Variants in SYBU observed in about 807,000 individuals in gnomAD.
SYBU encodes the protein syntabulin, also known as GOLSYN A protein.
A neutral mutation model predicts 35.9 loss-of-function variants in SYBU; 21 were observed. The observed-to-expected ratio is 0.58, with a 90% CI of 0.41 to 0.84. The LOEUF (loss-of-function observed/expected upper bound fraction) is 0.84, where lower values mean the gene tolerates loss of function less well. Among genes scored for constraint, SYBU ranks in the 40% least tolerant of loss-of-function variants. SYBU has a pLI of 0.00. For missense variants in SYBU, 768 were observed against 848.2 expected, an observed-to-expected ratio of 0.91 and a Z score of 1.17; for synonymous variants, 319 against 324.3, an observed-to-expected ratio of 0.98 and a Z score of 0.18.
chr8:109,654,080 T>A (rs1400798963), intron 1 of SYBU, among the ~76,000 whole-genome samples: 1 of 152,206 alleles, frequency 6.6e-6, no homozygotes, highest in Non-Finnish European at 1.5e-5. Context: ...CCATTTTTTT[T>A]ACTGGACATT....
intron 3 of SYBU, chr8:109,608,059 G>A: frequency 2.9e-6 from 3 of 1,028,416 alleles, no homozygotes; most frequent in Non-Finnish European, 2.8e-6. Flanking sequence ...TATCCATGGA[G>A]ACTGAGCCTT....
chr8:109,667,096 TTATTGTTATTAC>T (rs1182353925), intron 1 of SYBU, among the ~76,000 whole-genome samples: 1 of 152,162 alleles, frequency 6.6e-6, no homozygotes. Context: ...TTTACTAAAA[TTATTGTTATTAC>T]TATTGTTATT....
upstream of SYBU, among the ~76,000 whole-genome samples, chr8:109,648,274 T>A (rs528760664): frequency 3.1e-5 from 4 of 129,824 alleles, no homozygotes; most frequent in South Asian, 2.1e-4. Flanking sequence ...TATATATATA[T>A]AATATATATA....
intron 1 of SYBU, chr8:109,643,631 A>G (rs1815187294): frequency 6.5e-6 from 1 of 154,622 alleles, no homozygotes; most frequent in Non-Finnish European, 1.4e-5. Context: ...CTTTCTCCTT[A>G]AAAACGCAGC....
At chr8:109,664,951 C>T (rs964226832) in intron 1 of SYBU, among the ~76,000 whole-genome samples, 7 of 152,248 alleles carry the variant, frequency 4.6e-5, no homozygotes, top group African/African-American at 1.7e-4. Context: ...AAATGATTAG[C>T]AAATGATATA....
chr8:109,591,273 A>G (rs1824213611), intron 3 of SYBU, among the ~76,000 whole-genome samples: 1 of 152,182 alleles, frequency 6.6e-6, no homozygotes, highest in Non-Finnish European at 1.5e-5. Context: ...TTTAGATAAT[A>G]TGTAACCTGC....
chr8:109,585,138 G>A (rs1382866273), intron 4 of SYBU, among the ~76,000 whole-genome samples: 2 of 152,002 alleles, frequency 1.3e-5, no homozygotes, highest in East Asian at 3.9e-4. Flanking sequence ...ATTTTGTGGA[G>A]TTTTGTTTCC....
At chr8:109,622,230 A>G (rs1246637128) in intron 2 of SYBU, among the ~76,000 whole-genome samples, 2 of 144,250 alleles carry the variant, frequency 1.4e-5, no homozygotes, top group African/African-American at 5.2e-5. Flanking sequence ...TCTATCATCT[A>G]TCTATCTATC....
At chr8:109,656,800 G>A (rs1183563858) in intron 1 of SYBU, among the ~76,000 whole-genome samples, 1 of 152,102 alleles carries the variant, frequency 6.6e-6, no homozygotes, top group East Asian at 1.9e-4. Context: ...AATAAGCAAT[G>A]TTTGAACTGC....
rs557465618 is a variant in SYBU at position 109,663,132 on chromosome 8, T to C, written c.-129+17579A>G. Among the ~76,000 whole-genome samples the C allele has an allele frequency of 3.3e-5, 5 of 152,258 alleles. No individual in the cohort carries two copies. The South Asian group carries it at 1.0e-3, about 32-fold the overall frequency. ...CAATATGATGTTTAGTTTAATGCCA[T>C]TGTCAGAGATTCCACAAATATCGAA... On this transcript the variant is annotated intron_variant, in intron 1 of 5. Transcript: ENST00000408889.
chr8:109,675,804 C>A (rs1224589977), intron 1 of SYBU, among the ~76,000 whole-genome samples: 2 of 152,154 alleles, frequency 1.3e-5, no homozygotes, highest in Non-Finnish European at 2.9e-5. Context: ...TCAGCATAAT[C>A]CTGATACCAA....
chr8:109,623,659 A>G (rs1168513489), intron 2 of SYBU, among the ~76,000 whole-genome samples: 1 of 152,198 alleles, frequency 6.6e-6, no homozygotes, highest in Non-Finnish European at 1.5e-5. Context: ...TCTTTGAAAT[A>G]TAGGATATAG....
chr8:109,675,126 A>G (rs1817136741), intron 1 of SYBU, among the ~76,000 whole-genome samples: 1 of 152,240 alleles, frequency 6.6e-6, no homozygotes, highest in Admixed American at 6.5e-5. Context: ...AATCTCTGGG[A>G]CATAGCTAAA....
intron 3 of SYBU, among the ~76,000 whole-genome samples, chr8:109,611,952 C>T (rs768105925): frequency 1.3e-5 from 2 of 152,150 alleles, no homozygotes; most frequent in African/African-American, 2.4e-5. Context: ...TTTTAGGGCT[C>T]TACCAACATT....
chr8:109,662,235 T>TG (rs1816589545), intron 1 of SYBU, among the ~76,000 whole-genome samples: 1 of 152,180 alleles, frequency 6.6e-6, no homozygotes, highest in African/African-American at 2.4e-5. Context: ...TCTTATAAAA[T>TG]GGGGGCACTA....
intron 2 of SYBU, among the ~76,000 whole-genome samples, chr8:109,634,880 C>T (rs1308243909): frequency 3.3e-5 from 5 of 152,104 alleles, no homozygotes; most frequent in Admixed American, 6.6e-5. Flanking sequence ...TTTGGTCTAC[C>T]TCAGTCTTGT....
At chr8:109,649,222 T>C (rs149086934), upstream of SYBU, among the ~76,000 whole-genome samples, 2,074 of 151,944 alleles carry the variant, frequency 0.014, 50 homozygotes, top group African/African-American at 0.048. Flanking sequence ...CAGGATGGTC[T>C]CCATCTCCTG....
At chr8:109,608,620 C>T (rs560596452) in intron 3 of SYBU, among the ~76,000 whole-genome samples, 1 of 152,298 alleles carries the variant, frequency 6.6e-6, no homozygotes, top group Admixed American at 6.5e-5. Context: ...GTTTAGTAAG[C>T]TTCCACCAAA....
chr8:109,649,552 A>C (rs1253241009), upstream of SYBU, among the ~76,000 whole-genome samples: 2 of 152,094 alleles, frequency 1.3e-5, no homozygotes, highest in African/African-American at 4.8e-5. Context: ...GAATAACAGA[A>C]ATTAAGGGCA....
Sources: allele counts gnomAD v4.1 joint callset (sites outside exome capture counted in the v4.1 genomes callset), GRCh38; gene constraint gnomAD v4.1.1; transcripts MANE v1.5; gene names NCBI Gene and HGNC (gene_info 2026-07-23, HGNC 2026-07-21).